The following CDHR2 variants were observed in gnomAD, a reference collection of about 807,000 sequenced individuals.
The protein encoded by CDHR2 is cadherin-related family member 2.
In CDHR2, 104 loss-of-function variants were observed where a neutral mutation model predicts 138.6. That is an observed-to-expected ratio of 0.75 (90% confidence interval 0.64 to 0.88). The LOEUF is 0.88. CDHR2 is among the 40% of genes least tolerant of loss of function. The pLI, the probability that CDHR2 is intolerant of heterozygous loss-of-function variation, is 0.00. For synonymous variants in CDHR2, 755 were observed against 742.8 expected (o/e 1.02, Z -0.27); for missense variants, 1,624 against 1,727.6 (o/e 0.94, Z 1.06).
upstream of CDHR2, among the ~76,000 whole-genome samples, chr5:176,548,930 A>G (rs1372932135): frequency 1.3e-5 from 2 of 152,104 alleles, no homozygotes; most frequent in Non-Finnish European, 2.9e-5. Flanking sequence ...GTCTGGCCAC[A>G]CAGTGTTTGA....
At chr5:176,561,223 G>A (rs1345573601) in intron 1 of CDHR2, among the ~76,000 whole-genome samples, 1 of 152,216 alleles carries the variant, frequency 6.6e-6, no homozygotes, top group Non-Finnish European at 1.5e-5. Context: ...AGGTGAGGAA[G>A]CTGAGGCCCA....
At position 176,544,091 on chromosome 5, in the gene CDHR2, C is replaced by T. The variant is rs544726846; in HGVS notation, c.-16+1322C>T. ...GCAGGTGGTGGTAGTCCCTGCAGAC[C>T]GCGCCTCCCACAAGCTGCACAACCA... On this transcript the variant is annotated intron_variant, in intron 1 of 31. Transcript: ENST00000510636. 2.6e-5 allele frequency among the ~76,000 whole-genome samples: 4 copies of T among 152,380 alleles called. No individual in the cohort carries two copies. In the East Asian group the frequency reaches 5.8e-4, roughly 22 times the overall value.
chr5:176,587,566 G>A (rs1758699402), intron 21 of CDHR2, among the ~76,000 whole-genome samples: 1 of 152,190 alleles, frequency 6.6e-6, no homozygotes, highest in Non-Finnish European at 1.5e-5. Context: ...GTGTGGGGAT[G>A]AGGCTTCCCA....
At chr5:176,594,019 G>T (rs1758953961) in intron 31 of CDHR2, among the ~76,000 whole-genome samples, 1 of 152,180 alleles carries the variant, frequency 6.6e-6, no homozygotes, top group Non-Finnish European at 1.5e-5. Context: ...TTGTCTACTG[G>T]AGTGCATGGC....
intron 30 of CDHR2, 36 bp downstream of exon 30, chr5:176,591,520 G>A: frequency 6.6e-7 from 1 of 1,505,140 alleles, no homozygotes; most frequent in Non-Finnish European, 9.2e-7. Context: ...CTAGGTGGTG[G>A]TGGTGGTACA....
rs112821759 is a variant in CDHR2, at chr5:176,581,124, T to C, written c.1819-219T>C. Among the ~76,000 whole-genome samples, 848 of 152,230 alleles carry C rather than the reference T, an allele frequency of 5.6e-3. 5 individuals are homozygous for C. The highest frequency in any genetic ancestry group is 0.019 in the African/African-American group (788 of 41,530). ...AGGTCCACAGTGGCCGTTTGTGAGATGAAAGAATGGCCTCAGTGCTGAAGA... is the reference window on the plus strand; with the variant it reads ...AGGTCCACAGTGGCCGTTTGTGAGACGAAAGAATGGCCTCAGTGCTGAAGA... On this transcript the variant is annotated intron_variant, in intron 16 of 31. Transcript: ENST00000261944.
In CDHR2 at chr5:176,554,910, T is replaced by C. The variant is rs567786282; in HGVS notation, c.-16+5496T>C. On this transcript the variant is annotated intron_variant, in intron 1 of 31. Transcript: ENST00000261944. ...CTCAAGTGATCTGCCCGCCTTGGCC[T>C]CCCAAAGTGCTGGGATTACAGGTGT... 2.0e-5 allele frequency among the ~76,000 whole-genome samples: 3 copies of C among 152,312 alleles called. No homozygotes were observed. The South Asian group carries it at 6.2e-4, about 32-fold the overall frequency.
At chr5:176,577,096 T>C (rs1293015300) in intron 12 of CDHR2, among the ~76,000 whole-genome samples, 3 of 19,628 alleles carry the variant, frequency 1.5e-4, no homozygotes, top group Non-Finnish European at 2.9e-4. Context: ...CTGTGGGGGC[T>C]GGGGGTGGGG....
At chr5:176,565,825 A>G in intron 3 of CDHR2, 82 bp downstream of exon 3, 2 of 1,003,468 alleles carry the variant, frequency 2.0e-6, no homozygotes, top group African/African-American at 1.6e-5. Context: ...AGCCCCCACC[A>G]TGCCTGCAAC....
intron 30 of CDHR2, 123 bp downstream of exon 30, chr5:176,591,607 T>G: frequency 1.4e-6 from 1 of 738,958 alleles, no homozygotes; most frequent in Non-Finnish European, 2.3e-6. Flanking sequence ...GTCATGGTAG[T>G]AGTGGTAGTT....
At position 176,576,189 on chromosome 5, in the gene CDHR2, G is replaced by T; in HGVS notation, c.1194+4G>T. 6.2e-7 allele frequency: 1 copy of T among 1,604,088 alleles called. No homozygotes were observed. The highest frequency in any genetic ancestry group is 8.5e-7 in the Non-Finnish European group (1 of 1,175,774). ...GGTGGTCTACGACCCGGACAAGGCA[G>T]GCGTGGTGGCGTGGGTGTGGGCGGG... is the stretch of plus-strand genomic sequence containing the variant. On this transcript the variant is annotated splice_donor_region_variant and intron_variant, in intron 12 of 31. Transcript: ENST00000261944. The surrounding 1 kb of genome is among the most constrained non-coding windows in gnomAD (Gnocchi z 4.5).
chr5:176,547,910 T>C (rs1167207946), upstream of CDHR2, among the ~76,000 whole-genome samples: 3 of 152,236 alleles, frequency 2.0e-5, no homozygotes, highest in Non-Finnish European at 2.9e-5. Flanking sequence ...CTGCCTGATA[T>C]ACAGTCAACA....
intron 30 of CDHR2, among the ~76,000 whole-genome samples, chr5:176,592,280 GTGATGGTGA>G (rs1561883524): frequency 2.2e-4 from 33 of 148,704 alleles, no homozygotes; most frequent in African/African-American, 8.0e-4. Flanking sequence ...GATGATGGTG[GTGATGGTGA>G]TGGTGGTGAT....
Position 176,595,771 on chromosome 5 carries a change from C to A in CDHR2, c.*99C>A. ...GAAAATATATGACGCTGCCCTGCCT[C>A]CTGCTTTTGGCCAATCACGGCAGAC... On this transcript the variant is annotated 3_prime_UTR_variant, in exon 32 of 32. Coordinates refer to ENST00000261944, the MANE Select transcript of CDHR2 (RefSeq NM_017675.6). The A allele has an allele frequency of 8.2e-7, 1 of 1,223,078 alleles. No individual in the cohort carries two copies. Among genetic ancestry groups the A allele is most frequent in the East Asian group, 2.7e-5 (1 of 36,530 alleles). The allele number at this position is 1,223,078 out of a possible 1,614,324, so 75.8% of individuals were successfully genotyped here. A position where few individuals can be genotyped will look rare whatever the true frequency, so the allele number is the denominator to read the frequency against.
chr5:176,573,261 T>A (rs1390165892), intron 6 of CDHR2, among the ~76,000 whole-genome samples: 1 of 149,742 alleles, frequency 6.7e-6, no homozygotes, highest in African/African-American at 2.5e-5. Flanking sequence ...CTGGGCAGAA[T>A]GGGGGGACTC....
chr5:176,595,406 G>T, intron 31 of CDHR2, 126 bp from the exon 32 acceptor site: 1 of 1,063,406 alleles, frequency 9.4e-7, no homozygotes, highest in Non-Finnish European at 1.3e-6. Flanking sequence ...GCCCCAGGAG[G>T]GGCAGGGTGG....
intron 17 of CDHR2, 130 bp downstream of exon 17, chr5:176,581,712 C>T: frequency 8.2e-7 from 1 of 1,222,126 alleles, no homozygotes; most frequent in Non-Finnish European, 1.1e-6. Flanking sequence ...CTCGTATGGC[C>T]CCAGGCAATT....
upstream of CDHR2, among the ~76,000 whole-genome samples, chr5:176,546,434 G>C (rs1757586121): frequency 6.6e-6 from 1 of 151,900 alleles, no homozygotes; most frequent in Non-Finnish European, 1.5e-5. Flanking sequence ...TTATTGTGTT[G>C]GGCATTGTGC....
At chr5:176,580,262 C>T (rs1758497944) in intron 16 of CDHR2, among the ~76,000 whole-genome samples, 1 of 152,106 alleles carries the variant, frequency 6.6e-6, no homozygotes, top group East Asian at 1.9e-4. Context: ...GGCATGGTGG[C>T]TCCTGCCTGT....
Sources: gnomAD v4.1 joint callset for allele counts (sites outside exome capture counted in the v4.1 genomes callset) on GRCh38, gnomAD v4.1.1 for gene constraint, Gnocchi (gnomAD v3.1) non-coding constraint, MANE v1.5 for transcripts, NCBI Gene and HGNC (gene_info 2026-07-23, HGNC 2026-07-21) for gene names.